ST7: variants seen among roughly 807,000 people sequenced by gnomAD.
ST7 encodes suppression of tumorigenicity 7.
A neutral mutation model predicts 78.7 loss-of-function variants in ST7; 28 were observed. That is an observed-to-expected ratio of 0.36 (90% CI 0.26 to 0.49). The LOEUF (loss-of-function observed/expected upper bound fraction) is 0.49, where lower values mean the gene tolerates loss of function less well. ST7 is among the 20% of genes least tolerant of loss of function. The pLI is 0.99. For missense variants in ST7, 418 were observed against 696.0 expected (o/e 0.60, Z 4.49); for synonymous variants, 247 against 249.6 (o/e 0.99, Z 0.10).
chr7:117,198,173 A>G (rs1313360952), intron 12 of ST7: 1 of 302,412 alleles, frequency 3.3e-6, no homozygotes, highest in African/African-American at 2.2e-5. Context: ...TTGTTTTGAT[A>G]AAATGAGGAT....
intron 1 of ST7, among the ~76,000 whole-genome samples, chr7:116,961,912 C>G (rs993388885): frequency 6.6e-6 from 1 of 151,856 alleles, no homozygotes; most frequent in African/African-American, 2.4e-5. Context: ...TTAGCTATTT[C>G]TTCTAATGTT....
chr7:117,194,344 A>G (rs551821962), intron 12 of ST7, among the ~76,000 whole-genome samples: 1 of 152,184 alleles, frequency 6.6e-6, no homozygotes, highest in Non-Finnish European at 1.5e-5. Context: ...CTATTTGTTC[A>G]TCATTCCAGA....
intron 1 of ST7, among the ~76,000 whole-genome samples, chr7:117,022,045 T>G (rs1309357085): frequency 9.0e-6 from 1 of 110,914 alleles, no homozygotes; most frequent in African/African-American, 2.7e-5. Context: ...TAAAACTCAG[T>G]GCAGAAGTCT....
rs116617065 is a variant in ST7 at position 116,956,825 on chromosome 7, T to C, written c.151+3134T>C. 1,684 of 362,752 alleles carry C rather than the reference T, an allele frequency of 4.6e-3. 20 individuals carry two copies. The highest frequency in any genetic ancestry group is 0.031 in the African/African-American group (1,473 of 46,810). 22.5% of individuals were successfully genotyped at this position (362,752 alleles called of 1,614,324 possible). On this transcript the variant is annotated intron_variant, in intron 1 of 15. Coordinates refer to ENST00000323984, the MANE Select transcript of ST7 (RefSeq NM_001369598.1). ...ATGAATGAGTTTGTAAAACCCAGGG[T>C]AAATAAGGAGTTTACTACAAGAATA... is the stretch of plus-strand genomic sequence containing the variant.
intron 12 of ST7, among the ~76,000 whole-genome samples, chr7:117,195,901 A>T (rs2117438571): frequency 6.6e-6 from 1 of 152,266 alleles, no homozygotes; most frequent in Middle Eastern, 3.4e-3. Context: ...ATTCTTATTG[A>T]ACAGCAACTC....
chr7:117,146,293 A>G (rs1297725758), intron 9 of ST7: 5 of 152,268 alleles, frequency 3.3e-5, no homozygotes, highest in Non-Finnish European at 7.3e-5. Context: ...CATGTGATGT[A>G]TTTTCAAAGG....
At chr7:117,002,813 C>CTTTTTTTTTTT (rs397970060) in intron 1 of ST7, among the ~76,000 whole-genome samples, 6 of 72,148 alleles carry the variant, frequency 8.3e-5, no homozygotes, top group Non-Finnish European at 1.2e-4. Flanking sequence ...ATTTTTTTTC[C>CTTTTTTTTTTT]TTTTTTTTTT....
chr7:117,044,568 C>G (rs934100015), intron 1 of ST7, among the ~76,000 whole-genome samples: 8 of 152,198 alleles, frequency 5.3e-5, no homozygotes, highest in Middle Eastern at 3.4e-3. Flanking sequence ...CCAGGCTGGT[C>G]TCGAACTCTT....
At chr7:117,065,800 G>A (rs953540208) in intron 1 of ST7, among the ~76,000 whole-genome samples, 5 of 152,104 alleles carry the variant, frequency 3.3e-5, no homozygotes, top group East Asian at 1.9e-4. Flanking sequence ...TTCAAAAACC[G>A]TCAGTGATTT....
At chr7:116,972,449 G>A (rs995144461) in intron 1 of ST7, 11 of 764,708 alleles carry the variant, frequency 1.4e-5, no homozygotes, top group South Asian at 1.1e-4. Context: ...TCCATCTCTC[G>A]GCAACGGTAC....
At chr7:117,054,214 G>GCA (rs1380468802) in intron 1 of ST7, among the ~76,000 whole-genome samples, 1 of 152,114 alleles carries the variant, frequency 6.6e-6, no homozygotes, top group Non-Finnish European at 1.5e-5. Context: ...AAATCTGTGC[G>GCA]CACACCCCTT....
chr7:117,141,999 A>G (rs1473963753), intron 9 of ST7, among the ~76,000 whole-genome samples: 2 of 152,156 alleles, frequency 1.3e-5, no homozygotes, highest in Admixed American at 6.6e-5. Flanking sequence ...GTTATTTATT[A>G]TTCAAAATAA....
intron 1 of ST7, among the ~76,000 whole-genome samples, chr7:117,080,177 T>C (rs1412951624): frequency 6.6e-6 from 1 of 151,784 alleles, no homozygotes; most frequent in African/African-American, 2.4e-5. Context: ...AGACGGGGTT[T>C]CACCGTTTTA....
chr7:117,106,245 G>T (rs1330218400), intron 2 of ST7, among the ~76,000 whole-genome samples: 1 of 151,788 alleles, frequency 6.6e-6, no homozygotes, highest in Non-Finnish European at 1.5e-5. Context: ...AGATCCACCC[G>T]CCTCGGCCTC....
chr7:117,033,374 A>G (rs1464040913), intron 1 of ST7, among the ~76,000 whole-genome samples: 1 of 151,640 alleles, frequency 6.6e-6, no homozygotes, highest in East Asian at 1.9e-4. Context: ...ATTATAATTC[A>G]TGCATGTCTG....
intron 15 of ST7, among the ~76,000 whole-genome samples, chr7:117,228,324 G>A (rs1016899980): frequency 3.9e-5 from 6 of 152,058 alleles, no homozygotes; most frequent in Non-Finnish European, 8.8e-5. Context: ...CCAGATCTTC[G>A]TGGCCCCCTC....
chr7:117,102,340 C>A (rs950131753), intron 2 of ST7, among the ~76,000 whole-genome samples: 1 of 152,090 alleles, frequency 6.6e-6, no homozygotes, highest in East Asian at 1.9e-4. Context: ...TGAGGAACAA[C>A]GTAAATTGTC....
chr7:117,085,542 C>T (rs1800075947), intron 1 of ST7, among the ~76,000 whole-genome samples: 2 of 152,172 alleles, frequency 1.3e-5, no homozygotes, highest in Non-Finnish European at 2.9e-5. Context: ...ATACAGTTGC[C>T]TAGAGCACTG....
intron 9 of ST7, among the ~76,000 whole-genome samples, chr7:117,161,798 T>C (rs6966117): frequency 0.28 from 41,860 of 151,450 alleles, 7,325 homozygotes; most frequent in African/African-American, 0.5. Context: ...TGGGGTTTCA[T>C]CATGTTGGCC....
Sources: allele counts gnomAD v4.1 joint callset (sites outside exome capture counted in the v4.1 genomes callset), GRCh38; gene constraint gnomAD v4.1.1; transcripts MANE v1.5; gene names NCBI Gene and HGNC (gene_info 2026-07-23, HGNC 2026-07-21).